Variants in SH2D4A observed in about 807,000 individuals in gnomAD.
SH2D4A encodes SH2 domain-containing protein 4A.
SH2D4A carries 70 observed loss-of-function variants against 64.7 expected under a neutral mutation model. The observed-to-expected ratio is 1.08, with a 90% confidence interval of 0.89 to 1.32. SH2D4A has a LOEUF of 1.32. Among genes scored for constraint, SH2D4A ranks in the 40% most tolerant of loss-of-function variants. The pLI is 0.00. For synonymous variants in SH2D4A, 268 were observed against 200.7 expected, an observed-to-expected ratio of 1.34 and a Z score of -2.83; for missense variants, 706 against 540.1, an observed-to-expected ratio of 1.31 and a Z score of -3.04.
chr8:19,363,779 G>T (rs975683045), intron 6 of SH2D4A: 4 of 411,810 alleles, frequency 9.7e-6, no homozygotes, highest in Non-Finnish European at 1.8e-5. Flanking sequence ...CTTGCCAACT[G>T]CAGGAAATTC....
intron 1 of SH2D4A, chr8:19,314,220 G>T: frequency 1.9e-6 from 1 of 531,986 alleles, no homozygotes. Context: ...CACCCGCGGG[G>T]AGTGCAGGCC....
At chr8:19,328,669 G>C (rs2052322358) in intron 2 of SH2D4A, among the ~76,000 whole-genome samples, 1 of 152,194 alleles carries the variant, frequency 6.6e-6, no homozygotes, top group South Asian at 2.1e-4. Context: ...GCGGAGCAGA[G>C]CTTCCTCAAT....
intron 4 of SH2D4A, 116 bp downstream of exon 4, chr8:19,334,973 GA>G (rs2052421835): frequency 8.2e-7 from 1 of 1,226,286 alleles, no homozygotes; most frequent in Non-Finnish European, 1.1e-6. Context: ...TTTCTTGGGA[GA>G]AATGCCTCCT....
At chr8:19,370,753 AG>A (rs1317252167) in intron 7 of SH2D4A, among the ~76,000 whole-genome samples, 1 of 152,118 alleles carries the variant, frequency 6.6e-6, no homozygotes, top group African/African-American at 2.4e-5. Context: ...TTGATATGTA[AG>A]GGCTTACTAT....
chr8:19,387,574 C>T (rs1291780161), intron 8 of SH2D4A, among the ~76,000 whole-genome samples: 5 of 152,188 alleles, frequency 3.3e-5, no homozygotes, highest in Non-Finnish European at 5.9e-5. Context: ...TTTGTACCAT[C>T]ACATGCTTTC....
At chr8:19,346,920 G>C (rs182889464) in intron 4 of SH2D4A, among the ~76,000 whole-genome samples, 5 of 152,276 alleles carry the variant, frequency 3.3e-5, no homozygotes, top group Admixed American at 2.6e-4. Flanking sequence ...TTCGTCCTTC[G>C]CATTCTTCAT....
intron 4 of SH2D4A, among the ~76,000 whole-genome samples, chr8:19,352,210 G>A (rs556724498): frequency 6.6e-6 from 1 of 152,336 alleles, no homozygotes; most frequent in South Asian, 2.1e-4. Context: ...AGCATATTTT[G>A]TAACCATGTA....
At chr8:19,337,325 T>A (rs1278169329) in intron 4 of SH2D4A, among the ~76,000 whole-genome samples, 1 of 152,208 alleles carries the variant, frequency 6.6e-6, no homozygotes, top group African/African-American at 2.4e-5. Flanking sequence ...GGTACATTTA[T>A]ATTTTTATTG....
intron 2 of SH2D4A, among the ~76,000 whole-genome samples, chr8:19,320,880 A>G (rs532812371): frequency 8.5e-5 from 13 of 152,316 alleles, no homozygotes; most frequent in African/African-American, 3.1e-4. Context: ...GTAAAATCAC[A>G]TATGGTTTCA....
intron 2 of SH2D4A, among the ~76,000 whole-genome samples, chr8:19,329,384 C>T (rs1563186737): frequency 6.6e-6 from 1 of 152,104 alleles, no homozygotes; most frequent in Non-Finnish European, 1.5e-5. Context: ...CCCCCACCAG[C>T]TTTTGAAGTT....
chr8:19,383,500 T>G (rs536160813), intron 8 of SH2D4A, among the ~76,000 whole-genome samples: 9 of 152,156 alleles, frequency 5.9e-5, no homozygotes, highest in Non-Finnish European at 1.2e-4. Flanking sequence ...AGTTTCTGAT[T>G]TGTTTTCCTT....
intron 2 of SH2D4A, among the ~76,000 whole-genome samples, chr8:19,327,018 C>G (rs1226072400): frequency 6.6e-6 from 1 of 152,146 alleles, no homozygotes; most frequent in Admixed American, 6.6e-5. Context: ...ATGTGTCACC[C>G]CACTTTTATC....
chr8:19,329,046 G>A (rs1367356321), intron 2 of SH2D4A, among the ~76,000 whole-genome samples: 1 of 152,148 alleles, frequency 6.6e-6, no homozygotes, highest in Admixed American at 6.5e-5. Context: ...GGTGACTTCT[G>A]GTGCCCCTCT....
In SH2D4A at chr8:19,364,134, T is replaced by TATAA; in HGVS notation, c.770_771insTAAA (p.Arg259GlnfsTer14). The TATAA allele has an allele frequency of 6.2e-7, 1 of 1,614,068 alleles. No individual in the cohort carries two copies. ...CTTGGCTAAACAAGCACGAGAAGAC[T>TATAA]ACAAGAGGTTATCCCTCGGGGCCCA... On this transcript the variant is annotated frameshift_variant, in exon 7 of 10. Coordinates refer to ENST00000265807, the MANE Select transcript of SH2D4A (RefSeq NM_022071.4). LOFTEE classifies it high-confidence loss of function.
intron 7 of SH2D4A, among the ~76,000 whole-genome samples, chr8:19,367,013 T>C (rs964582617): frequency 3.9e-5 from 6 of 152,238 alleles, no homozygotes; most frequent in Non-Finnish European, 7.3e-5. Context: ...TTTATATTCC[T>C]ACCATCAGGC....
At chr8:19,336,162 A>T (rs1484680868) in intron 4 of SH2D4A, among the ~76,000 whole-genome samples, 1 of 152,196 alleles carries the variant, frequency 6.6e-6, no homozygotes, top group Non-Finnish European at 1.5e-5. Flanking sequence ...AGCTGGGGAA[A>T]CTGAGGCTAG....
At chr8:19,379,426 C>T (rs751777444) in intron 8 of SH2D4A, among the ~76,000 whole-genome samples, 4 of 152,188 alleles carry the variant, frequency 2.6e-5, no homozygotes, top group Non-Finnish European at 5.9e-5. Flanking sequence ...TGTTGATGCA[C>T]TCTTGAGTTG....
chr8:19,323,100 A>C (rs2052219190), intron 2 of SH2D4A, among the ~76,000 whole-genome samples: 1 of 152,090 alleles, frequency 6.6e-6, no homozygotes, highest in South Asian at 2.1e-4. Flanking sequence ...TGTGATACTT[A>C]GGGAGAGACG....
chr8:19,373,346 G>GTA (rs35016045), intron 7 of SH2D4A, among the ~76,000 whole-genome samples, 184 bp from the exon 8 acceptor site: 22,960 of 146,046 alleles, frequency 0.16, 1,885 homozygotes, highest in Middle Eastern at 0.23. Context: ...ACACACATGT[G>GTA]TATATATATA....
Sources: allele counts gnomAD v4.1 joint callset (sites outside exome capture counted in the v4.1 genomes callset), GRCh38; gene constraint gnomAD v4.1.1; transcripts MANE v1.5; gene names NCBI Gene and HGNC (gene_info 2026-07-23, HGNC 2026-07-21).